The following STON1 variants were observed in gnomAD, a reference collection of about 807,000 sequenced individuals.
STON1 encodes stonin 1.
In STON1, 79 loss-of-function variants were observed where a neutral mutation model predicts 60.9. The ratio of observed to expected loss-of-function variants is 1.30; its 90% CI spans 1.08 to 1.56. STON1 has a LOEUF of 1.56. Among genes scored for constraint, STON1 ranks in the 40% most tolerant of loss-of-function variants. STON1 has a pLI of 0.00. For missense variants in STON1, 1,166 were observed against 858.9 expected (o/e 1.36, Z -4.47); for synonymous variants, 363 against 306.9 (o/e 1.18, Z -1.91).
intron 1 of STON1, among the ~76,000 whole-genome samples, chr2:48,575,916 G>A (rs1339565776): frequency 6.6e-6 from 1 of 150,936 alleles, no homozygotes; most frequent in Non-Finnish European, 1.5e-5. Flanking sequence ...GCGCCACCAC[G>A]CCTGGCTAAT....
chr2:48,569,085 A>T (rs1370810024), intron 1 of STON1: 1 of 152,244 alleles, frequency 6.6e-6, no homozygotes, highest in Middle Eastern at 3.2e-3. Flanking sequence ...GAGCAACTTT[A>T]GGCAAGTAGC....
At position 48,535,741 on chromosome 2, in the gene STON1, T is replaced by C. The variant is rs543411238; in HGVS notation, c.-48+5525T>C. Among the ~76,000 whole-genome samples, 5 of 152,260 alleles carry C rather than the reference T, an allele frequency of 3.3e-5. No homozygotes were observed. The East Asian group carries it at 9.6e-4, about 29-fold the overall frequency. ...AATGTTCCACAGGTATGTCTAGGTA[T>C]GGATTTAGAAAATTTTATCCTACCC... On this transcript the variant is annotated intron_variant, in intron 1 of 3. Coordinates refer to ENST00000404752, the MANE Select transcript of STON1 (RefSeq NM_006873.4).
intron 3 of STON1, among the ~76,000 whole-genome samples, chr2:48,594,876 C>G (rs1182848497): frequency 6.6e-6 from 1 of 152,158 alleles, no homozygotes; most frequent in African/African-American, 2.4e-5. Context: ...ATACATGATA[C>G]AGCCATATAT....
chr2:48,581,558 A>T lies in STON1; in HGVS notation c.925A>T (p.Met309Leu). The change falls in exon 2 of 4, where the codon ATG becomes TTG. Residue 309 changes from methionine to leucine, a missense_variant. By Grantham distance (15) the Met-to-Leu change is conservative. Coordinates refer to ENST00000404752, the MANE Select transcript of STON1 (RefSeq NM_006873.4). ...AGTTTTGCCTGGAGGAATTTTGCAG[A>T]TGTATTATGAACAGGGATTAGAAAA... ...LKVLPGGILQ[M>L]YYEQGLEKPF... 1 of 1,614,222 alleles carries T rather than the reference A, an allele frequency of 6.2e-7. No homozygotes were observed. The highest frequency in any genetic ancestry group is 8.5e-7 in the Non-Finnish European group (1 of 1,180,044).
rs59933765 is a variant in STON1 at position 48,578,581 on chromosome 2, C to CTTTTTTTTTTTTTTT, written c.-47-1995_-47-1981dup. Among the ~76,000 whole-genome samples the CTTTTTTTTTTTTTTT allele has an allele frequency of 2.4e-3, 113 of 46,166 alleles. 12 individuals carry two copies. The highest frequency in any genetic ancestry group is 3.8e-3 in the East Asian group (4 of 1,058). The allele number at this position is 46,166 out of a possible 152,430, so 30.3% of individuals were successfully genotyped here. ...CTTCTCCTCCTCCTCCTCCTCCTTC[C>CTTTTTTTTTTTTTTT]TTTTTTTTTTTTTTTTTTTTTTTTT... On this transcript the variant is annotated intron_variant, in intron 1 of 3. Coordinates refer to ENST00000404752, the MANE Select transcript of STON1 (RefSeq NM_006873.4).
In STON1 at chr2:48,530,177, G is replaced by A. The variant is rs1367373025; in HGVS notation, c.-87G>A. ...TCCTCTTCCTCCGCCTCCTGGTGTG[G>A]CTGGCTGCGGCCAGAATCGGAGCCC... On this transcript the variant is annotated 5_prime_UTR_variant, in exon 1 of 4. Coordinates refer to ENST00000404752, the MANE Select transcript of STON1 (RefSeq NM_006873.4). 1 of 390,804 alleles carries A rather than the reference G, an allele frequency of 2.6e-6. No homozygotes were observed. The highest frequency in any genetic ancestry group is 5.1e-6 in the Non-Finnish European group (1 of 196,352). The allele number at this position is 390,804 out of a possible 1,614,324, so 24.2% of individuals were successfully genotyped here. A position where few individuals can be genotyped will look rare whatever the true frequency, so the allele number is the denominator to read the frequency against.
intron 1 of STON1, among the ~76,000 whole-genome samples, chr2:48,557,184 AGCT>A (rs1388705081): frequency 2.5e-4 from 18 of 71,050 alleles, no homozygotes; most frequent in Middle Eastern, 7.8e-3. Flanking sequence ...CAGACGGGGC[AGCT>A]GCCGGGCGGA....
At chr2:48,577,431 A>G (rs1348263564) in intron 1 of STON1, among the ~76,000 whole-genome samples, 1 of 151,752 alleles carries the variant, frequency 6.6e-6, no homozygotes, top group Non-Finnish European at 1.5e-5. Context: ...AAATACCAAA[A>G]TTAGCCTGGC....
chr2:48,594,121 T>G (rs1424840803), intron 3 of STON1, among the ~76,000 whole-genome samples: 2 of 152,144 alleles, frequency 1.3e-5, no homozygotes, highest in East Asian at 3.8e-4. Context: ...TTAGCTTCAT[T>G]TCCTGCCTCA....
At chr2:48,567,592 A>G (rs1005847919) in intron 1 of STON1, among the ~76,000 whole-genome samples, 2 of 151,988 alleles carry the variant, frequency 1.3e-5, no homozygotes, top group African/African-American at 4.8e-5. Flanking sequence ...TTGTATTTTT[A>G]GTAGAGACGG....
chr2:48,582,730 C>G (rs537237361), intron 2 of STON1, among the ~76,000 whole-genome samples, 167 bp downstream of exon 2: 2 of 152,204 alleles, frequency 1.3e-5, no homozygotes, highest in East Asian at 3.9e-4. Flanking sequence ...TATTTGTTTC[C>G]TTTTGCACCT....
intron 1 of STON1, among the ~76,000 whole-genome samples, chr2:48,575,745 T>C (rs1673451321): frequency 7.0e-6 from 1 of 143,704 alleles, no homozygotes; most frequent in South Asian, 2.2e-4. Flanking sequence ...TAGTTCTATT[T>C]TTAGTTTTTG....
chr2:48,557,081 C>A (rs1340778366), intron 1 of STON1, among the ~76,000 whole-genome samples: 2 of 109,184 alleles, frequency 1.8e-5, no homozygotes, highest in Admixed American at 8.8e-5. Context: ...CTGACCCCCC[C>A]CCACCTCCCT....
In STON1 at chr2:48,591,346, T is replaced by TCATCTG. The variant is rs1327459679; in HGVS notation, c.1931-307_1931-306insCATCTG. ...TAGTAATATTTCTAATTGAAAACAT[T>TCATCTG]TTTAGGAGTTCATCTGTGCCTGCAT... On this transcript the variant is annotated intron_variant, in intron 2 of 3. Coordinates refer to ENST00000404752, the MANE Select transcript of STON1 (RefSeq NM_006873.4). Among the ~76,000 whole-genome samples the TCATCTG allele has an allele frequency of 3.1e-3, 471 of 151,194 alleles. 2 individuals carry two copies. Among genetic ancestry groups the TCATCTG allele is most frequent in the African/African-American group, 0.011 (448 of 41,368 alleles).
At chr2:48,572,501 T>A (rs1016578456) in intron 1 of STON1, among the ~76,000 whole-genome samples, 1 of 152,154 alleles carries the variant, frequency 6.6e-6, no homozygotes, top group Non-Finnish European at 1.5e-5. Context: ...TTTAAAAAAT[T>A]CAGGGCTGCT....
rs1674787712 is a variant in STON1, at chr2:48,596,531, A to C, written c.*1229A>C. On this transcript the variant is annotated 3_prime_UTR_variant, in exon 4 of 4. Transcript: ENST00000404752. ...AAAACAAACTCCCCCATGTGGTATT[A>C]ATATACCTTCAATTTATGTTGAGTC... 6.6e-6 allele frequency: 1 copy of C among 152,216 alleles called. No individual in the cohort carries two copies. Among genetic ancestry groups the C allele is most frequent in the Non-Finnish European group, 1.5e-5 (1 of 68,034 alleles). The allele number at this position is 152,216 out of a possible 1,614,324, so 9.4% of individuals were successfully genotyped here.
intron 1 of STON1, among the ~76,000 whole-genome samples, chr2:48,552,647 G>T (rs189264862): frequency 6.6e-6 from 1 of 152,152 alleles, no homozygotes; most frequent in East Asian, 1.9e-4. Context: ...GCAGGCGCCT[G>T]TAATCCCAGC....
intron 1 of STON1, among the ~76,000 whole-genome samples, chr2:48,542,176 A>G (rs1231222930): frequency 6.6e-6 from 1 of 152,234 alleles, no homozygotes; most frequent in Non-Finnish European, 1.5e-5. Flanking sequence ...GGCTGATTCC[A>G]TCTCTGGGAA....
rs1161992377 is a variant in STON1 at position 48,595,586 on chromosome 2, G to A, written c.*284G>A. 1 of 367,832 alleles carries A rather than the reference G, an allele frequency of 2.7e-6. No homozygotes were observed. The highest frequency in any genetic ancestry group is 3.0e-5 in the South Asian group (1 of 33,062). 22.8% of individuals were successfully genotyped at this position (367,832 alleles called of 1,614,324 possible). The stretch of plus-strand genomic sequence containing the variant: ...GCACTGTTACTCGTTGTGTGACCCC[G>A]CAGCCAGTATGATTTTTGATTACTC... On this transcript the variant is annotated 3_prime_UTR_variant, in exon 4 of 4. Coordinates refer to ENST00000404752, the MANE Select transcript of STON1 (RefSeq NM_006873.4).
Sources: gnomAD v4.1 joint callset for allele counts (sites outside exome capture counted in the v4.1 genomes callset) on GRCh38, gnomAD v4.1.1 for gene constraint, MANE v1.5 for transcripts, NCBI Gene and HGNC (gene_info 2026-07-23, HGNC 2026-07-21) for gene names.